The following RTF1 variants were observed in gnomAD, a reference collection of about 807,000 sequenced individuals.
The protein encoded by RTF1 is RTF1 homolog, Paf1/RNA polymerase II complex component.
A neutral mutation model predicts 95.7 loss-of-function variants in RTF1; 10 were observed. The observed-to-expected ratio is 0.10, with a 90% CI of 0.06 to 0.18. The LOEUF is 0.18. Ranked by LOEUF, RTF1 falls within the 10% of genes least tolerant of loss-of-function variation. The pLI is 1.00. For missense variants in RTF1, 458 were observed against 875.6 expected (o/e 0.52, Z 6.02); for synonymous variants, 305 against 311.8 (o/e 0.98, Z 0.23).
intron 9 of RTF1, 64 bp downstream of exon 9, chr15:41,474,766 C>CT: frequency 8.6e-7 from 1 of 1,168,088 alleles, no homozygotes; most frequent in South Asian, 1.2e-5. Flanking sequence ...TTGGGGGCTG[C>CT]TGTTCTCTCT....
chr15:41,432,484 A>AGTGTCC (rs2050680210), intron 1 of RTF1, among the ~76,000 whole-genome samples: 1 of 151,436 alleles, frequency 6.6e-6, no homozygotes, highest in Admixed American at 6.6e-5. Context: ...GGCGTGAGCC[A>AGTGTCC]CTGCGCCCGG....
At chr15:41,435,349 T>C (rs1389908579) in intron 1 of RTF1, among the ~76,000 whole-genome samples, 1 of 151,832 alleles carries the variant, frequency 6.6e-6, no homozygotes, top group Non-Finnish European at 1.5e-5. Context: ...TATATATAAA[T>C]TATACCTCAA....
At chr15:41,479,452 C>A (rs1235433294) in intron 16 of RTF1, among the ~76,000 whole-genome samples, 1 of 152,220 alleles carries the variant, frequency 6.6e-6, no homozygotes, top group African/African-American at 2.4e-5. Flanking sequence ...ATCCCCTTTT[C>A]TGCTGTGTAA....
At chr15:41,426,781 A>ATGTG (rs58073154) in intron 1 of RTF1, among the ~76,000 whole-genome samples, 9,947 of 78,138 alleles carry the variant, frequency 0.13, 574 homozygotes, top group East Asian at 0.16. Flanking sequence ...CTACATATAT[A>ATGTG]TGTGTGTGTG....
intron 4 of RTF1, among the ~76,000 whole-genome samples, chr15:41,459,152 G>A (rs780646944): frequency 6.6e-6 from 1 of 152,116 alleles, no homozygotes; most frequent in Non-Finnish European, 1.5e-5. Context: ...AGGCTGAGGT[G>A]GGTGGATCAG....
intron 2 of RTF1, among the ~76,000 whole-genome samples, chr15:41,445,734 A>ATTTT (rs66494134): frequency 7.6e-6 from 1 of 132,040 alleles, no homozygotes; most frequent in Non-Finnish European, 1.6e-5. Flanking sequence ...TCCTGACCCC[A>ATTTT]TTTTTTTTTT....
chr15:41,464,961 T>C, intron 5 of RTF1, 76 bp downstream of exon 5: 1 of 1,457,230 alleles, frequency 6.9e-7, no homozygotes, highest in Non-Finnish European at 9.0e-7. Context: ...TGTGTGTGTG[T>C]GTGTGTAAAA....
intron 1 of RTF1, among the ~76,000 whole-genome samples, chr15:41,427,247 G>A (rs962169939): frequency 6.7e-6 from 1 of 149,504 alleles, no homozygotes; most frequent in Non-Finnish European, 1.5e-5. Context: ...CGCCTCCCGG[G>A]TTCACGCCAT....
intron 3 of RTF1, among the ~76,000 whole-genome samples, chr15:41,454,337 T>C (rs316615): frequency 0.34 from 52,191 of 151,942 alleles, 9,134 homozygotes; most frequent in African/African-American, 0.4. Context: ...GTGATCCACC[T>C]GCCTTGTCCT....
At chr15:41,471,529 G>A (rs1456855310) in intron 8 of RTF1, among the ~76,000 whole-genome samples, 180 bp downstream of exon 8, 1 of 152,216 alleles carries the variant, frequency 6.6e-6, no homozygotes, top group Non-Finnish European at 1.5e-5. Flanking sequence ...TTGTTGCCAA[G>A]AGGAGGACTT....
At chr15:41,440,847 A>G (rs1250998638) in intron 2 of RTF1, among the ~76,000 whole-genome samples, 1 of 151,918 alleles carries the variant, frequency 6.6e-6, no homozygotes, top group African/African-American at 2.4e-5. Context: ...CAAATTAACA[A>G]AAAATCAGTG....
At chr15:41,419,521 A>C (rs905205758) in intron 1 of RTF1, among the ~76,000 whole-genome samples, 2 of 152,202 alleles carry the variant, frequency 1.3e-5, no homozygotes, top group Non-Finnish European at 2.9e-5. Context: ...CTGCAAAATG[A>C]TAATGTTTCA....
intron 8 of RTF1, among the ~76,000 whole-genome samples, chr15:41,472,983 G>A (rs2050921816): frequency 1.3e-5 from 2 of 151,996 alleles, no homozygotes; most frequent in Admixed American, 6.6e-5. Context: ...TTACAGGCGT[G>A]AGCCACCGCA....
At chr15:41,431,683 C>G (rs370024174) in intron 1 of RTF1, among the ~76,000 whole-genome samples, 1 of 151,980 alleles carries the variant, frequency 6.6e-6, no homozygotes, top group Non-Finnish European at 1.5e-5. Flanking sequence ...ATTTTTTGTA[C>G]AGACGGGGTT....
chr15:41,420,914 A>G (rs2050597285), intron 1 of RTF1, among the ~76,000 whole-genome samples: 1 of 152,220 alleles, frequency 6.6e-6, no homozygotes, highest in African/African-American at 2.4e-5. Context: ...ATTATGATTT[A>G]TGTTAGTGAT....
intron 8 of RTF1, among the ~76,000 whole-genome samples, chr15:41,474,060 A>G (rs1313963121): frequency 1.3e-5 from 2 of 151,804 alleles, no homozygotes; most frequent in African/African-American, 4.8e-5. Flanking sequence ...AAAAAAAAAG[A>G]GAGACTGGGT....
Position 41,417,147 on chromosome 15 carries a change from CGGCGGCGGCGGCGGCAGT to C in RTF1, c.38_55del (p.Ala13_Ala18del). ...GGTCGCCTTTGTGTGGGTCGAGCAGCGGCGGCGGCGGCGGCAGTGGCGGTCCCACTGGCAGGCGGGCAA... is the reference window on the plus strand; with the variant it reads ...GGTCGCCTTTGTGTGGGTCGAGCAGCGGCGGTCCCACTGGCAGGCGGGCAA... On this transcript the variant is annotated inframe_deletion, in exon 1 of 18. Transcript: ENST00000389629. 8.0e-7 allele frequency: 1 copy of C among 1,250,906 alleles called. No homozygotes were observed. The highest frequency in any genetic ancestry group is 1.0e-6 in the Non-Finnish European group (1 of 993,254). 77.5% of individuals were successfully genotyped at this position (1,250,906 alleles called of 1,614,324 possible).
chr15:41,442,410 G>T (rs1181111768), intron 2 of RTF1, among the ~76,000 whole-genome samples: 1 of 151,712 alleles, frequency 6.6e-6, no homozygotes, highest in South Asian at 2.1e-4. Context: ...CTCATGATCC[G>T]CCGGCCTCAT....
chr15:41,444,067 C>CA (rs1037701141), intron 2 of RTF1, among the ~76,000 whole-genome samples: 97 of 132,922 alleles, frequency 7.3e-4, no homozygotes, highest in East Asian at 2.5e-3. Flanking sequence ...GACTCCATCT[C>CA]AAAAAAAAAC....
Sources: allele counts gnomAD v4.1 joint callset (sites outside exome capture counted in the v4.1 genomes callset), GRCh38; gene constraint gnomAD v4.1.1; transcripts MANE v1.5; gene names NCBI Gene and HGNC (gene_info 2026-07-23, HGNC 2026-07-21).